The following CHLSN variants were observed in gnomAD, a reference collection of about 807,000 sequenced individuals.
The protein encoded by CHLSN is protein cholesin.
the CHLSN span, among the ~76,000 whole-genome samples, chr7:1,063,997 G>A: frequency 6.6e-6 from 1 of 152,188 alleles, no homozygotes; most frequent in East Asian, 1.9e-4. Context: ...TGGGGGGCAG[G>A]GGGACTAGCC....
At chr7:1,085,806 C>G in the CHLSN span, among the ~76,000 whole-genome samples, 7 of 151,408 alleles carry the variant, frequency 4.6e-5, no homozygotes, top group Non-Finnish European at 8.8e-5. Flanking sequence ...GCACACTGGC[C>G]TGGGCAACAG....
At chr7:1,017,435 G>C in the CHLSN span, among the ~76,000 whole-genome samples, 1 of 152,214 alleles carries the variant, frequency 6.6e-6, no homozygotes, top group Non-Finnish European at 1.5e-5. Context: ...GCCATGCAGG[G>C]GATGGTGTGC....
chr7:1,097,738 C>T, the CHLSN span, among the ~76,000 whole-genome samples: 25 of 152,262 alleles, frequency 1.6e-4, no homozygotes, highest in Non-Finnish European at 2.8e-4. This position sits in a 1 kb window ranked among gnomAD's most constrained non-coding sequence, Gnocchi z 4.3. Flanking sequence ...GACAGCCCCT[C>T]GCTGGGTGAT....
chr7:994,448 A>G, the CHLSN span, among the ~76,000 whole-genome samples: 1 of 151,898 alleles, frequency 6.6e-6, no homozygotes, highest in South Asian at 2.1e-4. Flanking sequence ...GGCGTGAGCC[A>G]CTAAATTTAG....
chr7:1,082,119 C>T, the CHLSN span: 4 of 152,280 alleles, frequency 2.6e-5, no homozygotes, highest in African/African-American at 9.6e-5. Flanking sequence ...TTCAGACCTG[C>T]AGTCCATGTT....
At chr7:1,137,150 C>T in the CHLSN span, among the ~76,000 whole-genome samples, 2 of 152,158 alleles carry the variant, frequency 1.3e-5, no homozygotes, top group Non-Finnish European at 2.9e-5. Flanking sequence ...AACTCACCTC[C>T]TCTTTCTCTC....
chr7:1,041,123 T>G, the CHLSN span, among the ~76,000 whole-genome samples: 1 of 142,156 alleles, frequency 7.0e-6, no homozygotes, highest in Non-Finnish European at 1.6e-5. Flanking sequence ...GAAGAGGGAA[T>G]GGAGAGACTG....
chr7:1,028,390 G>GCGGCTGGAACCAGATCCAGC, the CHLSN span: 1 of 987,422 alleles, frequency 1.0e-6, no homozygotes, highest in Non-Finnish European at 1.2e-6. Flanking sequence ...CCGGCCCGGC[G>GCGGCTGGAACCAGATCCAGC]CGGCTGGAAC....
the CHLSN span, among the ~76,000 whole-genome samples, chr7:1,101,542 TATTCCTGA>T: frequency 6.6e-6 from 1 of 152,246 alleles, no homozygotes; most frequent in Non-Finnish European, 1.5e-5. Context: ...CTTCCCCGGC[TATTCCTGA>T]ACAACTTCTA....
the CHLSN span, among the ~76,000 whole-genome samples, chr7:1,133,667 T>C: frequency 6.9e-6 from 1 of 145,410 alleles, no homozygotes; most frequent in African/African-American, 2.5e-5. Flanking sequence ...GGCAGGAGAA[T>C]GGCGCGAACA....
chr7:984,930 C>G, the CHLSN span: 5 of 1,575,304 alleles, frequency 3.2e-6, no homozygotes, highest in Non-Finnish European at 4.3e-6. Context: ...GGGCTCACCA[C>G]GCACTGTATC....
At chr7:1,130,081 G>C in the CHLSN span, among the ~76,000 whole-genome samples, 2 of 152,130 alleles carry the variant, frequency 1.3e-5, no homozygotes. Context: ...CGTGAGTCTG[G>C]GGTCTCCTCT....
chr7:1,020,712 C>T, the CHLSN span, among the ~76,000 whole-genome samples: 1 of 152,238 alleles, frequency 6.6e-6, no homozygotes, highest in Non-Finnish European at 1.5e-5. Context: ...TCCTGTTCAC[C>T]TCTGATCTCA....
chr7:1,092,410 G>A, the CHLSN span: 20 of 1,607,242 alleles, frequency 1.2e-5, no homozygotes, highest in Non-Finnish European at 1.5e-5. Flanking sequence ...CGTGCCCTTC[G>A]CCATCATCGG....
chr7:1,032,004 G>A, the CHLSN span, among the ~76,000 whole-genome samples: 2 of 152,112 alleles, frequency 1.3e-5, no homozygotes, highest in African/African-American at 2.4e-5. Flanking sequence ...ATTCGCCTTC[G>A]AAACCTGGGC....
the CHLSN span, among the ~76,000 whole-genome samples, chr7:1,090,008 C>T: frequency 2.0e-5 from 3 of 151,640 alleles, no homozygotes; most frequent in East Asian, 1.9e-4. Flanking sequence ...CACTCTAACC[C>T]GGGAGGCGGC....
chr7:1,098,193 C>T, the CHLSN span, among the ~76,000 whole-genome samples: 1 of 152,146 alleles, frequency 6.6e-6, no homozygotes, highest in Non-Finnish European at 1.5e-5. Flanking sequence ...CAAGAGGCTC[C>T]GTGGCGGCAG....
At chr7:1,016,768 GCGCACAGCAGCGCA>G in the CHLSN span, among the ~76,000 whole-genome samples, 135 of 82,996 alleles carry the variant, frequency 1.6e-3, 1 homozygote, top group African/African-American at 2.3e-3. Context: ...CCAGCGCACA[GCGCACAGCAGCGCA>G]CAGCACACAG....
chr7:1,113,545 A>G, the CHLSN span, among the ~76,000 whole-genome samples: 1 of 152,192 alleles, frequency 6.6e-6, no homozygotes, highest in Non-Finnish European at 1.5e-5. Context: ...CACGCCCCAC[A>G]GGATGCAGAA....
Sources: gnomAD v4.1 joint callset for allele counts (sites outside exome capture counted in the v4.1 genomes callset) on GRCh38, gnomAD v4.1.1 for gene constraint, Gnocchi (gnomAD v3.1) non-coding constraint, MANE v1.5 for transcripts, NCBI Gene and HGNC (gene_info 2026-07-23, HGNC 2026-07-21) for gene names.